The following C10orf67 variants were observed in gnomAD, a reference collection of about 807,000 sequenced individuals.
The protein encoded by C10orf67 is uncharacterized protein C10orf67, mitochondrial.
C10orf67 carries 60 observed loss-of-function variants against 35.6 expected under a neutral mutation model. The ratio of observed to expected loss-of-function variants is 1.68; its 90% CI spans 1.37 to 2.09. The LOEUF (loss-of-function observed/expected upper bound fraction) is 2.09, where lower values mean the gene tolerates loss of function less well. Ranked by LOEUF, C10orf67 falls within the 30% of genes most tolerant of loss-of-function variation. C10orf67 has a pLI of 0.00. For missense variants in C10orf67, 474 were observed against 330.2 expected, an observed-to-expected ratio of 1.44 and a Z score of -3.38; for synonymous variants, 167 against 115.8, an observed-to-expected ratio of 1.44 and a Z score of -2.84.
chr10:23,306,596 T>C (rs1844294847), intron 4 of C10orf67, among the ~76,000 whole-genome samples: 2 of 148,322 alleles, frequency 1.3e-5, no homozygotes, highest in African/African-American at 5.0e-5. Context: ...AATGGGGAGA[T>C]GTTGGTCGAA....
intron 2 of C10orf67, among the ~76,000 whole-genome samples, chr10:23,328,949 C>A (rs1479409599): frequency 1.5e-5 from 2 of 129,042 alleles, no homozygotes; most frequent in African/African-American, 6.0e-5. Flanking sequence ...TCTGCCACTA[C>A]ACTCCAGCCT....
chr10:23,320,939 G>A (rs1844928239), intron 3 of C10orf67, 124 bp from the exon 4 acceptor site: 2 of 650,516 alleles, frequency 3.1e-6, no homozygotes, highest in Admixed American at 3.1e-5. Flanking sequence ...GAAAACTTCA[G>A]TTCATAATCA....
chr10:23,306,612 TAAACTTTCA>T (rs1229442719), intron 4 of C10orf67, among the ~76,000 whole-genome samples: 8 of 151,170 alleles, frequency 5.3e-5, no homozygotes, highest in African/African-American at 1.2e-4. Context: ...TCGAAGGGTA[TAAACTTTCA>T]GTCATAAGAT....
intron 12 of C10orf67, among the ~76,000 whole-genome samples, chr10:23,247,987 T>G (rs1429087868): frequency 6.6e-6 from 1 of 152,208 alleles, no homozygotes; most frequent in African/African-American, 2.4e-5. Context: ...AGAGTGGGCC[T>G]TCACCTTGCA....
chr10:23,330,765 G>C (rs1845415760), intron 2 of C10orf67, among the ~76,000 whole-genome samples: 1 of 151,188 alleles, frequency 6.6e-6, no homozygotes, highest in African/African-American at 2.4e-5. Flanking sequence ...CAAAATAACA[G>C]AAGCATAAAC....
At chr10:23,311,090 C>A (rs1427034622) in intron 4 of C10orf67, among the ~76,000 whole-genome samples, 1 of 152,098 alleles carries the variant, frequency 6.6e-6, no homozygotes, top group Non-Finnish European at 1.5e-5. Flanking sequence ...TCTTGGCTTC[C>A]CAAGGCACTG....
At chr10:23,268,450 A>G (rs1484933008) in intron 8 of C10orf67, among the ~76,000 whole-genome samples, 1 of 152,230 alleles carries the variant, frequency 6.6e-6, no homozygotes, top group Non-Finnish European at 1.5e-5. Flanking sequence ...CTTGAAATTT[A>G]AAAATGATGA....
At chr10:23,229,201 T>C (rs1030136207) in intron 13 of C10orf67, among the ~76,000 whole-genome samples, 7 of 151,878 alleles carry the variant, frequency 4.6e-5, no homozygotes, top group Non-Finnish European at 1.0e-4. Context: ...CCATCAATGA[T>C]AGACTGGATT....
chr10:23,213,592 C>T (rs913661386), intron 15 of C10orf67, among the ~76,000 whole-genome samples: 6 of 152,062 alleles, frequency 3.9e-5, no homozygotes, highest in Non-Finnish European at 5.9e-5. Flanking sequence ...TTAAGGCAAA[C>T]AGAATTTACC....
At chr10:23,331,096 A>C (rs531404265) in intron 2 of C10orf67, among the ~76,000 whole-genome samples, 271 of 83,476 alleles carry the variant, frequency 3.2e-3, no homozygotes, top group African/African-American at 0.012. Flanking sequence ...ATAGGAGGGG[A>C]GGGGACTGGG....
intron 2 of C10orf67, among the ~76,000 whole-genome samples, chr10:23,327,482 C>G (rs537989882): frequency 1.3e-5 from 2 of 152,174 alleles, no homozygotes; most frequent in East Asian, 3.9e-4. Context: ...ATGGCCAAAG[C>G]CTTCATATAG....
chr10:23,247,617 T>C (rs1221483526), intron 12 of C10orf67, among the ~76,000 whole-genome samples: 1 of 152,224 alleles, frequency 6.6e-6, no homozygotes, highest in Non-Finnish European at 1.5e-5. Flanking sequence ...ATATTATGAA[T>C]AACTTTATAT....
intron 13 of C10orf67, among the ~76,000 whole-genome samples, chr10:23,234,540 G>A (rs548768719): frequency 6.6e-4 from 100 of 152,272 alleles, no homozygotes; most frequent in Admixed American, 1.2e-3. Flanking sequence ...AGGAGGATGG[G>A]AGGAGGAAGA....
chr10:23,204,915 C>T (rs1841118010), intron 15 of C10orf67, among the ~76,000 whole-genome samples: 1 of 152,116 alleles, frequency 6.6e-6, no homozygotes, highest in Admixed American at 6.5e-5. Context: ...TGAAGGGGAA[C>T]AAAGGCCCTG....
chr10:23,294,333 G>A (rs1343392999), intron 5 of C10orf67, among the ~76,000 whole-genome samples: 2 of 151,912 alleles, frequency 1.3e-5, no homozygotes, highest in Non-Finnish European at 2.9e-5. Context: ...TATTCAAAAT[G>A]CCAGCTCCAA....
chr10:23,344,416 G>T, intron 1 of C10orf67, 153 bp downstream of exon 1: 1 of 759,020 alleles, frequency 1.3e-6, no homozygotes, highest in South Asian at 1.8e-5. Context: ...TGTCCCGCCT[G>T]CCTCAAGGCT....
chr10:23,249,170 T>TA (rs1842387363), intron 12 of C10orf67, among the ~76,000 whole-genome samples: 2 of 131,092 alleles, frequency 1.5e-5, no homozygotes, highest in Admixed American at 1.6e-4. Flanking sequence ...AGAAAACTGA[T>TA]ACGTTCTTGT....
intron 5 of C10orf67, among the ~76,000 whole-genome samples, chr10:23,301,851 G>A (rs553014026): frequency 2.6e-5 from 4 of 152,360 alleles, no homozygotes; most frequent in Middle Eastern, 3.4e-3. Flanking sequence ...AGTAACTAGC[G>A]TTCAGCTCGA....
intron 1 of C10orf67, among the ~76,000 whole-genome samples, chr10:23,338,658 TATC>T (rs1244082143): frequency 2.0e-5 from 3 of 152,256 alleles, no homozygotes; most frequent in Non-Finnish European, 1.5e-5. Context: ...TCAGTGATCT[TATC>T]ATATAACCCA....
Sources: allele counts gnomAD v4.1 joint callset (sites outside exome capture counted in the v4.1 genomes callset), GRCh38; gene constraint gnomAD v4.1.1; transcripts MANE v1.5; gene names NCBI Gene and HGNC (gene_info 2026-07-23, HGNC 2026-07-21).